Variants in TOPAZ1 observed in about 807,000 individuals in gnomAD.
TOPAZ1 encodes the protein protein TOPAZ1.
In TOPAZ1, 66 loss-of-function variants were observed where a neutral mutation model predicts 172.2. The observed-to-expected ratio is 0.38, with a 90% CI of 0.31 to 0.47. The LOEUF (loss-of-function observed/expected upper bound fraction) is 0.47, where lower values mean the gene tolerates loss of function less well. Ranked by LOEUF, TOPAZ1 falls within the 20% of genes least tolerant of loss-of-function variation. TOPAZ1 has a pLI of 0.99. For missense variants in TOPAZ1, 1,822 were observed against 1,972.4 expected (o/e 0.92, Z 1.44); for synonymous variants, 681 against 683.9 (o/e 1.00, Z 0.07).
chr3:44,241,943 G>A lies in TOPAZ1; in HGVS notation c.-111G>A, dbSNP rs1699480413. On this transcript the variant is annotated 5_prime_UTR_variant, in exon 1 of 20. It adds an upstream start codon to the 5' untranslated region. Transcript: ENST00000309765. ...GCCCCGGGCTGTGGTGACTGGCGGT[G>A]TGGGGTGGGTCAGAGGGCAGTAGGT... The A allele has an allele frequency of 1.7e-5, 17 of 1,000,510 alleles. No homozygotes were observed. In the South Asian group the frequency reaches 2.6e-4, roughly 16 times the overall value. The allele number at this position is 1,000,510 out of a possible 1,614,324, so 62.0% of individuals were successfully genotyped here. A position where few individuals can be genotyped will look rare whatever the true frequency, so the allele number is the denominator to read the frequency against.
At chr3:44,336,663 G>A (rs1162395861), downstream of TOPAZ1, among the ~76,000 whole-genome samples, 1 of 152,182 alleles carries the variant, frequency 6.6e-6, no homozygotes, top group East Asian at 1.9e-4. Context: ...AGGTAGGTTG[G>A]TGAGACTGTG....
At chr3:44,250,907 A>G (rs2171569) in intron 2 of TOPAZ1, among the ~76,000 whole-genome samples, 68,239 of 151,908 alleles carry the variant, frequency 0.45, 16,851 homozygotes, top group East Asian at 0.81. Flanking sequence ...ACCTAACAGT[A>G]TAGTGTGGCA....
chr3:44,242,237 G>A lies in TOPAZ1; in HGVS notation c.184G>A (p.Glu62Lys), dbSNP rs528867032. Residue 62 changes from glutamate to lysine, a missense_variant, in exon 1 of 20, where the codon GAG becomes AAG. By Grantham distance (56) the Glu-to-Lys change is moderately conservative. Coordinates refer to ENST00000309765, the MANE Select transcript of TOPAZ1 (RefSeq NM_001145030.2). ...GGCCCGGGCCACCCCTGGGAGAGGC[G>A]AGGTGGAAAGTGATAAGTCGGTTGC... ...MVARATPGRG[E>K]VESDKSVAAS... 50 of 1,546,808 alleles carry A rather than the reference G, an allele frequency of 3.2e-5. No individual in the cohort carries two copies. In the East Asian group the frequency reaches 1.2e-3, roughly 36 times the overall value.
At chr3:44,273,812 T>C (rs1020459360) in intron 8 of TOPAZ1, among the ~76,000 whole-genome samples, 3 of 152,170 alleles carry the variant, frequency 2.0e-5, no homozygotes, top group Non-Finnish European at 4.4e-5. Context: ...ATATAAAGGA[T>C]GTGTTGTAAA....
rs546483229 is a variant in TOPAZ1 at position 44,302,479 on chromosome 3, A to G, written c.3798-1536A>G. 3.3e-5 allele frequency among the ~76,000 whole-genome samples: 5 copies of G among 152,314 alleles called. No homozygotes were observed. In the East Asian group the frequency reaches 7.7e-4, roughly 24 times the overall value. ...TGATTTGAGATGCCACCTTCATCGT[A>G]TACTAAATTTCATATACAATGGGGT... On this transcript the variant is annotated intron_variant, in intron 12 of 19. Transcript: ENST00000309765.
intron 1 of TOPAZ1, 144 bp downstream of exon 1, chr3:44,242,543 C>T (rs2125674402): frequency 2.1e-6 from 2 of 947,458 alleles, no homozygotes; most frequent in East Asian, 5.3e-5. Context: ...AATGGATTTC[C>T]TTAAAAGGGG....
rs1205918253 is a variant in TOPAZ1 at position 44,243,708 on chromosome 3, C to T, written c.1202C>T (p.Thr401Ile). The T allele has an allele frequency of 1.9e-6, 3 of 1,550,354 alleles. No individual in the cohort carries two copies. Among genetic ancestry groups the T allele is most frequent in the East Asian group, 2.4e-5 (1 of 40,916 alleles). The change falls in exon 2 of 20, where the codon ACA becomes ATA. Residue 401 changes from threonine to isoleucine, a missense_variant. Around this residue, in one of 2 missense-constraint regions of TOPAZ1, gnomAD observed 1,489 missense variants for 1,490.8 expected, o/e 1.00. Transcript: ENST00000309765. ...LMDHLLSVPE[T>I]VEKETSSEHH... ...GATCATTTATTAAGTGTCCCAGAAACAGTAGAAAAAGAAACAAGTTCTGAA... is the reference window on the plus strand; with the variant it reads ...GATCATTTATTAAGTGTCCCAGAAATAGTAGAAAAAGAAACAAGTTCTGAA...
chr3:44,305,656 C>A (rs1700328823), intron 14 of TOPAZ1, among the ~76,000 whole-genome samples: 1 of 151,904 alleles, frequency 6.6e-6, no homozygotes, highest in South Asian at 2.1e-4. Flanking sequence ...AGACATAAGT[C>A]ACAGCTCGGC....
chr3:44,305,090 A>G (rs541657369), intron 13 of TOPAZ1, 57 bp from the exon 14 acceptor site: 116 of 1,292,982 alleles, frequency 9.0e-5, no homozygotes, highest in African/African-American at 4.1e-4. Flanking sequence ...ATGTTTGCAT[A>G]AATGACATAG....
At chr3:44,324,419 A>G (rs955463280) in intron 18 of TOPAZ1, among the ~76,000 whole-genome samples, 4 of 152,100 alleles carry the variant, frequency 2.6e-5, no homozygotes, top group African/African-American at 9.6e-5. Flanking sequence ...ACACACACAT[A>G]TATGTGTGTG....
At chr3:44,285,786 G>A (rs1175201772) in intron 9 of TOPAZ1, among the ~76,000 whole-genome samples, 1 of 151,674 alleles carries the variant, frequency 6.6e-6, no homozygotes, top group Non-Finnish European at 1.5e-5. Context: ...GGCCAGGCTG[G>A]TCTCGAACTC....
intron 4 of TOPAZ1, among the ~76,000 whole-genome samples, chr3:44,256,486 A>G (rs1026322507): frequency 5.3e-5 from 8 of 152,210 alleles, no homozygotes; most frequent in African/African-American, 9.7e-5. Context: ...AATGGGATGT[A>G]CTGTTTAATT....
chr3:44,273,642 C>T (rs1047557288), intron 8 of TOPAZ1, among the ~76,000 whole-genome samples: 3 of 152,192 alleles, frequency 2.0e-5, no homozygotes, highest in African/African-American at 7.2e-5. Context: ...GCTCCAATCA[C>T]ACCATCCTCT....
intron 16 of TOPAZ1, among the ~76,000 whole-genome samples, chr3:44,312,280 C>T (rs1024557869): frequency 1.3e-5 from 2 of 150,536 alleles, no homozygotes; most frequent in South Asian, 2.1e-4. Flanking sequence ...TGCTACCATC[C>T]GAATAAGAAT....
At chr3:44,277,763 G>C (rs75307127) in intron 8 of TOPAZ1, among the ~76,000 whole-genome samples, 2 of 152,078 alleles carry the variant, frequency 1.3e-5, no homozygotes, top group Non-Finnish European at 1.5e-5. Flanking sequence ...ATGAGATCTG[G>C]TCATATAAAA....
At chr3:44,309,791 G>T in intron 15 of TOPAZ1, 34 bp from the exon 16 acceptor site, 1 of 1,372,872 alleles carries the variant, frequency 7.3e-7, no homozygotes, top group Non-Finnish European at 9.9e-7. Context: ...GTAAATGATT[G>T]ATACCCAATT....
intron 9 of TOPAZ1, among the ~76,000 whole-genome samples, chr3:44,285,468 A>G (rs1355425916): frequency 6.6e-6 from 1 of 152,182 alleles, no homozygotes; most frequent in Non-Finnish European, 1.5e-5. Context: ...CCGTGTCTCA[A>G]AAATAAATAA....
intron 12 of TOPAZ1, among the ~76,000 whole-genome samples, chr3:44,297,169 CAAAAA>C (rs35773194): frequency 2.2e-5 from 3 of 135,554 alleles, no homozygotes; most frequent in Admixed American, 1.5e-4. Context: ...AAGTCTGTCT[CAAAAA>C]AAAAAAAGAA....
intron 4 of TOPAZ1, 78 bp downstream of exon 4, chr3:44,256,356 A>G (rs542002277): frequency 9.5e-6 from 13 of 1,366,664 alleles, no homozygotes; most frequent in Non-Finnish European, 1.3e-5. Flanking sequence ...TAACAGTGCT[A>G]TCGGGTGGCA....
Sources: gnomAD v4.1 joint callset for allele counts (sites outside exome capture counted in the v4.1 genomes callset) on GRCh38, gnomAD v4.1.1 for gene constraint, gnomAD v4.1.1 regional missense constraint, MANE v1.5 for transcripts, NCBI Gene and HGNC (gene_info 2026-07-23, HGNC 2026-07-21) for gene names.